The following ATXN1 variants were observed in gnomAD, a reference collection of about 807,000 sequenced individuals.
The protein encoded by ATXN1 is ataxin-1.
Under a neutral mutation model 56.4 loss-of-function variants are expected in ATXN1, and 8 were observed. The observed-to-expected ratio is 0.14, with a 90% confidence interval of 0.08 to 0.26. The LOEUF (loss-of-function observed/expected upper bound fraction) is 0.26. ATXN1 is among the 10% of genes least tolerant of loss of function. The pLI is 1.00. For missense variants in ATXN1, 987 were observed against 1,106.5 expected (o/e 0.89, Z 1.53); for synonymous variants, 514 against 494.6 (o/e 1.04, Z -0.52).
intron 3 of ATXN1, among the ~76,000 whole-genome samples, chr6:16,629,777 C>T (rs577162996): frequency 6.6e-6 from 1 of 151,354 alleles, no homozygotes; most frequent in East Asian, 2.0e-4. Context: ...ACTAGCTGGA[C>T]GTGGTGGTGT....
chr6:16,667,344 A>T (rs1758449247), intron 2 of ATXN1: 1 of 152,088 alleles, frequency 6.6e-6, no homozygotes, highest in African/African-American at 2.4e-5. Context: ...CATCCTCTTC[A>T]CTTTCTTGTT....
At chr6:16,729,476 C>G (rs1581399558) in intron 2 of ATXN1, among the ~76,000 whole-genome samples, 1 of 152,196 alleles carries the variant, frequency 6.6e-6, no homozygotes, top group East Asian at 1.9e-4. Context: ...CGGAGTCAAG[C>G]TCTGAATAAC....
intron 2 of ATXN1, among the ~76,000 whole-genome samples, chr6:16,663,235 C>T (rs1581343596): frequency 6.6e-6 from 1 of 152,004 alleles, no homozygotes; most frequent in East Asian, 1.9e-4. Flanking sequence ...TCCCGAAGTG[C>T]TAGGATTACA....
intron 6 of ATXN1, among the ~76,000 whole-genome samples, chr6:16,440,990 G>A (rs994593658): frequency 2.0e-5 from 3 of 152,158 alleles, no homozygotes; most frequent in Admixed American, 6.6e-5. Context: ...TTGGCACAAC[G>A]GGCTCCCAAG....
At chr6:16,413,761 T>C (rs1422661900) in intron 6 of ATXN1, among the ~76,000 whole-genome samples, 1 of 152,182 alleles carries the variant, frequency 6.6e-6, no homozygotes, top group East Asian at 1.9e-4. Context: ...TGGGCTTTTT[T>C]ACTGACGCAA....
At chr6:16,696,909 T>C (rs185323316) in intron 2 of ATXN1, among the ~76,000 whole-genome samples, 65 of 152,302 alleles carry the variant, frequency 4.3e-4, no homozygotes, top group Admixed American at 1.3e-3. Flanking sequence ...AGATGTGTGT[T>C]GTGGAATCCT....
At chr6:16,730,547 T>C (rs1477260041) in intron 2 of ATXN1, among the ~76,000 whole-genome samples, 2 of 143,712 alleles carry the variant, frequency 1.4e-5, no homozygotes, top group South Asian at 2.3e-4. Context: ...AAAATATTTA[T>C]GTACAATAAT....
At chr6:16,748,634 A>C (rs1179129203) in intron 2 of ATXN1, among the ~76,000 whole-genome samples, 1 of 152,228 alleles carries the variant, frequency 6.6e-6, no homozygotes, top group Non-Finnish European at 1.5e-5. Flanking sequence ...TCATCTCCAT[A>C]TTCCCTAGAG....
At chr6:16,512,465 C>T (rs149055178) in intron 5 of ATXN1, among the ~76,000 whole-genome samples, 21 of 152,328 alleles carry the variant, frequency 1.4e-4, no homozygotes, top group African/African-American at 4.1e-4. Flanking sequence ...GGGGCCTGCA[C>T]TCCCAGGACA....
In ATXN1 at chr6:16,660,768, T is replaced by C. The variant is rs959504173; in HGVS notation, c.-614-2867A>G. 6.7e-5 allele frequency among the ~76,000 whole-genome samples: 10 copies of C among 149,028 alleles called. No individual in the cohort carries two copies. In the East Asian group the frequency reaches 2.0e-3, roughly 29 times the overall value. ...CAACAATTAGACACAGATTGCATAATAAGAGACAAACAGGTTCTCAGTAGA... is the reference window on the plus strand; with the variant it reads ...CAACAATTAGACACAGATTGCATAACAAGAGACAAACAGGTTCTCAGTAGA... On this transcript the variant is annotated intron_variant, in intron 2 of 7. Transcript: ENST00000436367.
intron 6 of ATXN1, among the ~76,000 whole-genome samples, chr6:16,474,512 C>T (rs1760286589): frequency 6.6e-6 from 1 of 152,208 alleles, no homozygotes; most frequent in Non-Finnish European, 1.5e-5. Flanking sequence ...CTGGCCCAGA[C>T]TAAAATAGTC....
At chr6:16,583,942 C>T (rs1220830031) in intron 4 of ATXN1, among the ~76,000 whole-genome samples, 1 of 152,038 alleles carries the variant, frequency 6.6e-6, no homozygotes, top group African/African-American at 2.4e-5. Context: ...CATTTGTTTA[C>T]TTCTATATTG....
At chr6:16,426,787 C>T (rs1759165587) in intron 6 of ATXN1, among the ~76,000 whole-genome samples, 1 of 151,824 alleles carries the variant, frequency 6.6e-6, no homozygotes, top group Admixed American at 6.6e-5. Flanking sequence ...CCCCTCTATC[C>T]AGCATCCCCT....
chr6:16,518,042 T>C (rs1443972136), intron 5 of ATXN1, among the ~76,000 whole-genome samples: 1 of 152,230 alleles, frequency 6.6e-6, no homozygotes, highest in Non-Finnish European at 1.5e-5. Flanking sequence ...GACAAGGCTT[T>C]TGCTTCCACT....
chr6:16,486,463 A>T (rs1397089144), intron 5 of ATXN1, among the ~76,000 whole-genome samples: 1 of 152,194 alleles, frequency 6.6e-6, no homozygotes, highest in Non-Finnish European at 1.5e-5. Flanking sequence ...TGGGTCATGG[A>T]GAAGATCAAG....
At chr6:16,404,335 T>C (rs985560841) in intron 6 of ATXN1, among the ~76,000 whole-genome samples, 1 of 152,212 alleles carries the variant, frequency 6.6e-6, no homozygotes, top group Non-Finnish European at 1.5e-5. Flanking sequence ...TGAGCCTTGT[T>C]TGAACTGAGC....
chr6:16,457,713 C>A (rs951001471), intron 6 of ATXN1, among the ~76,000 whole-genome samples: 1 of 152,126 alleles, frequency 6.6e-6, no homozygotes, highest in Admixed American at 6.6e-5. Context: ...GCAAAGCTGG[C>A]GATTTACATT....
At chr6:16,470,159 G>C (rs1300802903) in intron 6 of ATXN1, among the ~76,000 whole-genome samples, 1 of 152,138 alleles carries the variant, frequency 6.6e-6, no homozygotes, top group Non-Finnish European at 1.5e-5. Context: ...TAAAAAGGAA[G>C]GAAATTCTGA....
chr6:16,421,188 G>T (rs745939371), intron 6 of ATXN1, among the ~76,000 whole-genome samples: 7 of 152,142 alleles, frequency 4.6e-5, no homozygotes, highest in Non-Finnish European at 7.4e-5. Context: ...AAAAACAGTT[G>T]TTTCTGGCCT....
Sources: allele counts gnomAD v4.1 joint callset (sites outside exome capture counted in the v4.1 genomes callset), GRCh38; gene constraint gnomAD v4.1.1; transcripts MANE v1.5; gene names NCBI Gene and HGNC (gene_info 2026-07-23, HGNC 2026-07-21).